Variants in EHBP1 observed in about 807,000 individuals in gnomAD.
EHBP1 encodes the protein EH domain binding protein 1, also known as EH domain-binding protein 1.
EHBP1 carries 55 observed loss-of-function variants against 144.0 expected under a neutral mutation model. The ratio of observed to expected loss-of-function variants is 0.38; its 90% CI spans 0.31 to 0.48. The LOEUF is 0.48. Ranked by LOEUF, EHBP1 falls within the 20% of genes least tolerant of loss-of-function variation. The pLI is 0.98. For missense variants in EHBP1, 1,200 were observed against 1,364.2 expected (o/e 0.88, Z 1.90); for synonymous variants, 469 against 472.7 (o/e 0.99, Z 0.10).
At chr2:62,804,937 C>T (rs1323814607) in intron 5 of EHBP1, among the ~76,000 whole-genome samples, 1 of 152,176 alleles carries the variant, frequency 6.6e-6, no homozygotes, top group African/African-American at 2.4e-5. Context: ...ACAGTTTCAT[C>T]CTGAAACCAT....
chr2:62,869,238 G>A (rs1007429065), intron 9 of EHBP1, among the ~76,000 whole-genome samples: 7 of 152,104 alleles, frequency 4.6e-5, no homozygotes, highest in Non-Finnish European at 1.0e-4. Context: ...AAAAAGTTTG[G>A]CAGTCTCTGA....
At chr2:62,781,569 A>G (rs1349477872) in intron 5 of EHBP1, among the ~76,000 whole-genome samples, 1 of 152,160 alleles carries the variant, frequency 6.6e-6, no homozygotes, top group Non-Finnish European at 1.5e-5. Context: ...CAGATAGGAG[A>G]TTAAGTACTT....
At chr2:62,917,193 T>C (rs2054692290) in intron 10 of EHBP1, among the ~76,000 whole-genome samples, 1 of 152,150 alleles carries the variant, frequency 6.6e-6, no homozygotes, top group Admixed American at 6.6e-5. Context: ...ACAATAGTAT[T>C]TGTGTATCTA....
At chr2:62,724,118 TA>T (rs2036512325) in intron 2 of EHBP1, among the ~76,000 whole-genome samples, 2 of 152,224 alleles carry the variant, frequency 1.3e-5, no homozygotes, top group Non-Finnish European at 2.9e-5. Context: ...CAGTGAGTCA[TA>T]GATTTGGTCT....
chr2:62,924,792 A>G (rs917803073), intron 10 of EHBP1, among the ~76,000 whole-genome samples: 9 of 152,158 alleles, frequency 5.9e-5, no homozygotes, highest in South Asian at 2.1e-4. Flanking sequence ...ATTAATACCA[A>G]TTCCTCTCAA....
At chr2:62,823,319 A>G (rs959710876) in intron 5 of EHBP1, among the ~76,000 whole-genome samples, 14 of 152,126 alleles carry the variant, frequency 9.2e-5, no homozygotes, top group African/African-American at 3.4e-4. Context: ...TTCAGCACTC[A>G]CTTTTGTATT....
chr2:62,940,698 C>G (rs1320487354), intron 10 of EHBP1, among the ~76,000 whole-genome samples: 1 of 152,078 alleles, frequency 6.6e-6, no homozygotes, highest in African/African-American at 2.4e-5. Context: ...TTGTAAACCA[C>G]CGTGACCATT....
intron 10 of EHBP1, chr2:62,940,223 A>G: frequency 3.1e-6 from 1 of 320,936 alleles, no homozygotes; most frequent in Non-Finnish European, 6.2e-6. Flanking sequence ...TGAGATTGTT[A>G]AATAGATTTA....
chr2:62,827,768 A>G (rs1248552903), intron 6 of EHBP1, among the ~76,000 whole-genome samples: 1 of 152,024 alleles, frequency 6.6e-6, no homozygotes, highest in Non-Finnish European at 1.5e-5. Context: ...CCTGGGTTCA[A>G]GTGATTTTCC....
intron 2 of EHBP1, among the ~76,000 whole-genome samples, chr2:62,732,392 G>A (rs2037690124): frequency 6.6e-6 from 1 of 152,030 alleles, no homozygotes; most frequent in South Asian, 2.1e-4. Flanking sequence ...GATACGGTTT[G>A]GATCTGTGTC....
intron 2 of EHBP1, among the ~76,000 whole-genome samples, chr2:62,724,082 A>T (rs563223777): frequency 1.3e-5 from 2 of 151,564 alleles, no homozygotes; most frequent in African/African-American, 4.8e-5. Flanking sequence ...AGTTGCTTAC[A>T]CTCTCCCCAT....
At chr2:62,915,535 G>A (rs2054543370) in intron 10 of EHBP1, among the ~76,000 whole-genome samples, 1 of 151,994 alleles carries the variant, frequency 6.6e-6, no homozygotes, top group Admixed American at 6.5e-5. Context: ...GCCCTTTTGG[G>A]CATGTCACAT....
chr2:62,930,989 A>G (rs2055939448), intron 10 of EHBP1, among the ~76,000 whole-genome samples: 1 of 152,184 alleles, frequency 6.6e-6, no homozygotes. Flanking sequence ...TAGACACCAA[A>G]GGCACAGACA....
At chr2:63,037,180 T>A (rs1421606561) in intron 19 of EHBP1, among the ~76,000 whole-genome samples, 6 of 151,986 alleles carry the variant, frequency 3.9e-5, no homozygotes, top group African/African-American at 9.7e-5. Context: ...AATGATTTTT[T>A]AATTTTTTTT....
In EHBP1 at chr2:62,805,288, A is replaced by G. The variant is rs563568213; in HGVS notation, c.313-20799A>G. Among the ~76,000 whole-genome samples the G allele has an allele frequency of 1.5e-3, 223 of 152,242 alleles. 1 individual carries two copies. Among genetic ancestry groups the G allele is most frequent in the Non-Finnish European group, 2.7e-3 (183 of 68,008 alleles). On this transcript the variant is annotated intron_variant, in intron 5 of 22. Transcript: ENST00000431489. ...TAAATTATATTATGGTATGGTATTTATTGATACAGAACTATATTTATTATA... is the reference window on the plus strand; with the variant it reads ...TAAATTATATTATGGTATGGTATTTGTTGATACAGAACTATATTTATTATA...
intron 2 of EHBP1, among the ~76,000 whole-genome samples, chr2:62,743,400 C>G (rs1278353535): frequency 6.6e-6 from 1 of 151,984 alleles, no homozygotes; most frequent in Non-Finnish European, 1.5e-5. Flanking sequence ...TTCATCTTCT[C>G]TATGTTCTCC....
chr2:62,841,463 A>G (rs554417659), intron 7 of EHBP1, among the ~76,000 whole-genome samples: 2 of 152,144 alleles, frequency 1.3e-5, no homozygotes, highest in Non-Finnish European at 2.9e-5. Context: ...CACAATGTGC[A>G]CATGTACCCT....
At chr2:63,028,073 T>C (rs897278467) in intron 19 of EHBP1, among the ~76,000 whole-genome samples, 6 of 152,146 alleles carry the variant, frequency 3.9e-5, no homozygotes, top group Non-Finnish European at 8.8e-5. Context: ...TTTAACAGTG[T>C]ATTTTACTTC....
chr2:62,702,479 G>A (rs760573728), upstream of EHBP1, among the ~76,000 whole-genome samples: 3 of 152,154 alleles, frequency 2.0e-5, no homozygotes, highest in African/African-American at 4.8e-5. Flanking sequence ...GTTGGTAGGG[G>A]AAATGGGACC....
Sources: gnomAD v4.1 joint callset for allele counts (sites outside exome capture counted in the v4.1 genomes callset) on GRCh38, gnomAD v4.1.1 for gene constraint, MANE v1.5 for transcripts, NCBI Gene and HGNC (gene_info 2026-07-23, HGNC 2026-07-21) for gene names.